ITIH5: variants seen among roughly 807,000 people sequenced by gnomAD.
ITIH5 encodes inter-alpha-trypsin inhibitor heavy chain 5.
ITIH5 carries 65 observed loss-of-function variants against 77.5 expected under a neutral mutation model. The ratio of observed to expected loss-of-function variants is 0.84; its 90% CI spans 0.69 to 1.03. The LOEUF is 1.03. Ranked by LOEUF, ITIH5 falls within the 50% of genes least tolerant of loss-of-function variation. ITIH5 has a pLI of 0.00. For missense variants in ITIH5, 1,208 were observed against 1,213.1 expected (o/e 1.00, Z 0.06); for synonymous variants, 525 against 494.3 (o/e 1.06, Z -0.82).
chr10:7,586,141 G>T (rs568347563), intron 7 of ITIH5, 72 bp from the exon 8 acceptor site: 2 of 1,293,398 alleles, frequency 1.5e-6, no homozygotes. Flanking sequence ...TCTAGAAACC[G>T]CCCCCGCCCC....
At chr10:7,630,817 C>G (rs1044891745) in intron 5 of ITIH5, among the ~76,000 whole-genome samples, 5 of 151,680 alleles carry the variant, frequency 3.3e-5, no homozygotes, top group African/African-American at 1.2e-4. Context: ...TACTCTATCT[C>G]TTTCTTTCGT....
intron 12 of ITIH5, 42 bp from the exon 13 acceptor site, chr10:7,566,449 C>T (rs1017122036): frequency 6.4e-7 from 1 of 1,552,824 alleles, no homozygotes. Context: ...GAAAATCTGA[C>T]CAGGAGTGGT....
At chr10:7,663,923 G>A (rs1480995945) in intron 1 of ITIH5, among the ~76,000 whole-genome samples, 1 of 152,100 alleles carries the variant, frequency 6.6e-6, no homozygotes, top group Non-Finnish European at 1.5e-5. Flanking sequence ...CTCAATAACT[G>A]GTGGCTTTTA....
At position 7,651,500 on chromosome 10, in the gene ITIH5, C is replaced by T. The variant is rs115194901; in HGVS notation, c.135+4131G>A. Among the ~76,000 whole-genome samples, 1,037 of 152,022 alleles carry T rather than the reference C, an allele frequency of 6.8e-3. 14 individuals are homozygous for T. The highest frequency in any genetic ancestry group is 0.023 in the African/African-American group (963 of 41,434). On this transcript the variant is annotated intron_variant, in intron 2 of 13. Transcript: ENST00000397146. ...CGGGAGGCCTCTAATCCCAGGTGCT[C>T]GGGAGACTGAGGCGCAAGACTCACT...
chr10:7,653,793 C>T (rs1834138010), intron 2 of ITIH5, among the ~76,000 whole-genome samples: 1 of 152,174 alleles, frequency 6.6e-6, no homozygotes, highest in South Asian at 2.1e-4. Context: ...CCAGCTGTGT[C>T]GTCTTGGGAA....
At chr10:7,564,289 T>C (rs1302649488) in intron 13 of ITIH5, among the ~76,000 whole-genome samples, 1 of 152,232 alleles carries the variant, frequency 6.6e-6, no homozygotes, top group Non-Finnish European at 1.5e-5. Context: ...ATATTACATA[T>C]GTAGTAATCT....
At chr10:7,629,654 A>G (rs996433347) in intron 5 of ITIH5, among the ~76,000 whole-genome samples, 1 of 152,136 alleles carries the variant, frequency 6.6e-6, no homozygotes, top group Non-Finnish European at 1.5e-5. Context: ...TCTGTGTTTC[A>G]TTCCTTTTCA....
At chr10:7,591,941 G>A (rs932240967) in intron 7 of ITIH5, among the ~76,000 whole-genome samples, 17 of 152,044 alleles carry the variant, frequency 1.1e-4, no homozygotes, top group African/African-American at 4.1e-4. Context: ...TGCTATCTTG[G>A]CTCACTGCAA....
At chr10:7,568,783 C>T (rs1832236857) in intron 12 of ITIH5, among the ~76,000 whole-genome samples, 1 of 152,064 alleles carries the variant, frequency 6.6e-6, no homozygotes, top group Non-Finnish European at 1.5e-5. Context: ...TCTCTTTCAC[C>T]CAAGCCCTCT....
At chr10:7,611,975 C>A (rs918674097) in intron 7 of ITIH5, among the ~76,000 whole-genome samples, 2 of 148,790 alleles carry the variant, frequency 1.3e-5, no homozygotes. Context: ...AGCCTCTTAA[C>A]CCATTTGGAA....
chr10:7,624,889 GTA>G (rs1239159773), intron 5 of ITIH5, among the ~76,000 whole-genome samples: 1 of 33,736 alleles, frequency 3.0e-5, no homozygotes, highest in Non-Finnish European at 5.2e-5. Context: ...ATATATATGT[GTA>G]TATATATACA....
rs1834167789 is a variant in ITIH5 at position 7,655,575 on chromosome 10, A to G, written c.135+56T>C. 5 of 1,422,204 alleles carry G rather than the reference A, an allele frequency of 3.5e-6. No individual in the cohort carries two copies. The South Asian group carries it at 4.7e-5, about 13-fold the overall frequency. The allele number at this position is 1,422,204 out of a possible 1,614,324, so 88.1% of individuals were successfully genotyped here. A position where few individuals can be genotyped will look rare whatever the true frequency, so the allele number is the denominator to read the frequency against. On this transcript the variant is annotated intron_variant, in intron 2 of 13. Transcript: ENST00000397146. ...GCAAGCAAAGTGGATACCTGGTTCAAAATAAATAGAAGAATGAGGGAATGG... is the reference window on the plus strand; with the variant it reads ...GCAAGCAAAGTGGATACCTGGTTCAGAATAAATAGAAGAATGAGGGAATGG...
At chr10:7,585,436 C>T (rs1392569470) in intron 8 of ITIH5, among the ~76,000 whole-genome samples, 2 of 152,202 alleles carry the variant, frequency 1.3e-5, no homozygotes, top group African/African-American at 2.4e-5. Flanking sequence ...GCAACCCTCC[C>T]GGGCCACCAG....
chr10:7,602,970 T>C (rs772569447), intron 7 of ITIH5, among the ~76,000 whole-genome samples: 1 of 152,182 alleles, frequency 6.6e-6, no homozygotes, highest in Non-Finnish European at 1.5e-5. Flanking sequence ...CCGTGTCCTA[T>C]TTGTCTTACC....
Position 7,562,909 on chromosome 10 carries a change from AC to A in ITIH5, c.*173del. ...ATTTGCACTCAGGCTTCCCGCCCCT[AC>A]CCACCCCTACCCTTCGCCCAGACAG... On this transcript the variant is annotated 3_prime_UTR_variant, in exon 14 of 14. Transcript: ENST00000397146. 1.8e-6 allele frequency: 1 copy of A among 551,814 alleles called. No homozygotes were observed. Among genetic ancestry groups the A allele is most frequent in the Non-Finnish European group, 3.4e-6 (1 of 296,018 alleles). The allele number at this position is 551,814 out of a possible 1,614,324, so 34.2% of individuals were successfully genotyped here. A position where few individuals can be genotyped will look rare whatever the true frequency, so the allele number is the denominator to read the frequency against.
chr10:7,652,392 C>T (rs111829500), intron 2 of ITIH5, among the ~76,000 whole-genome samples: 5,495 of 152,120 alleles, frequency 0.036, 166 homozygotes, highest in African/African-American at 0.085. Context: ...GGAGGCGCAT[C>T]ACGCAGGGTT....
chr10:7,658,828 G>T (rs1834230309), intron 1 of ITIH5, among the ~76,000 whole-genome samples: 1 of 152,104 alleles, frequency 6.6e-6, no homozygotes, highest in South Asian at 2.1e-4. Context: ...GCTTTAGAGG[G>T]CATCGACTGT....
chr10:7,640,426 A>G lies in ITIH5; in HGVS notation c.401+328T>C, dbSNP rs565451887. On this transcript the variant is annotated intron_variant, in intron 4 of 13. Transcript: ENST00000397146. ...CAGGAGGTTGAGGCTGCAGTGAGCT[A>G]TGATTGCACCACTGCACTCCAGCCT... Among the ~76,000 whole-genome samples, 9 of 150,484 alleles carry G rather than the reference A, an allele frequency of 6.0e-5. No homozygotes were observed. In the East Asian group the frequency reaches 1.4e-3, roughly 23 times the overall value.
At chr10:7,643,541 C>T (rs1833921505) in intron 2 of ITIH5, among the ~76,000 whole-genome samples, 1 of 152,190 alleles carries the variant, frequency 6.6e-6, no homozygotes, top group Non-Finnish European at 1.5e-5. Context: ...ACGTCCTGCT[C>T]ATAATTGTGT....
Sources: gnomAD v4.1 joint callset for allele counts (sites outside exome capture counted in the v4.1 genomes callset) on GRCh38, gnomAD v4.1.1 for gene constraint, MANE v1.5 for transcripts, NCBI Gene and HGNC (gene_info 2026-07-23, HGNC 2026-07-21) for gene names.